The following ENDOV variants were observed in gnomAD, a reference collection of about 807,000 sequenced individuals.
The protein encoded by ENDOV is endonuclease V, also known as hEndoV.
In ENDOV, 37 loss-of-function variants were observed where a neutral mutation model predicts 39.4. The ratio of observed to expected loss-of-function variants is 0.94; its 90% confidence interval spans 0.72 to 1.23. ENDOV has a LOEUF of 1.23. ENDOV is among the 50% of genes most tolerant of loss of function. The pLI is 0.00. For missense variants in ENDOV, 441 were observed against 375.7 expected (o/e 1.17, Z -1.44); for synonymous variants, 186 against 163.4 (o/e 1.14, Z -1.05).
At chr17:80,429,580 A>G (rs1397066604) in intron 8 of ENDOV, among the ~76,000 whole-genome samples, 193 bp from the exon 9 acceptor site, 1 of 152,196 alleles carries the variant, frequency 6.6e-6, no homozygotes, top group Non-Finnish European at 1.5e-5. Context: ...AAGCTCTCCC[A>G]GAGTTGGAGG....
chr17:80,415,839 C>T lies in ENDOV; in HGVS notation c.228+18C>T, dbSNP rs755206618. 5.7e-6 allele frequency: 9 copies of T among 1,578,664 alleles called. No individual in the cohort carries two copies. The East Asian group carries it at 2.1e-4, about 37-fold the overall frequency. Reference sequence around the variant, plus strand: ...AGCTCGAGGTAACCTGGGAGGACGCCGAGCTCGAGGCGGGCCCCTCGGTGG... The same window carrying T: ...AGCTCGAGGTAACCTGGGAGGACGCTGAGCTCGAGGCGGGCCCCTCGGTGG... On this transcript the variant is annotated intron_variant, in intron 2 of 9. Coordinates refer to ENST00000518137, the MANE Select transcript of ENDOV (RefSeq NM_173627.5).
At chr17:80,417,361 C>T (rs1047943876) in intron 2 of ENDOV, 1 of 152,280 alleles carries the variant, frequency 6.6e-6, no homozygotes, top group African/African-American at 2.4e-5. Flanking sequence ...ATGACGTCCT[C>T]CACTAAGCTC....
At chr17:80,428,441 A>G (rs1396185814) in intron 7 of ENDOV, 155 bp from the exon 8 acceptor site, 1 of 703,884 alleles carries the variant, frequency 1.4e-6, no homozygotes, top group African/African-American at 1.8e-5. Flanking sequence ...ACACTCGCTG[A>G]CAGGGCCGCG....
chr17:80,429,087 C>T (rs895327402), intron 8 of ENDOV, among the ~76,000 whole-genome samples: 2 of 152,204 alleles, frequency 1.3e-5, no homozygotes, highest in Admixed American at 6.5e-5. Context: ...GCTTCCTCAT[C>T]GTCGGGATAG....
Position 80,422,288 on chromosome 17 carries a change from GA to G in ENDOV, c.403+44del, listed in dbSNP as rs760111976. On this transcript the variant is annotated intron_variant, in intron 4 of 9. Coordinates refer to ENST00000518137, the MANE Select transcript of ENDOV (RefSeq NM_173627.5). Reference sequence around the variant, plus strand: ...GGTCCAGGGAGGGCACTGTGGGGAAGAGCGGGGGGAGAGGGCACCTCTGTCG... The same window carrying G: ...GGTCCAGGGAGGGCACTGTGGGGAAGGCGGGGGGAGAGGGCACCTCTGTCG... The G allele has an allele frequency of 2.1e-4, 338 of 1,607,990 alleles. 3 individuals are homozygous for G. Among genetic ancestry groups the G allele is most frequent in the South Asian group, 6.3e-4 (57 of 90,534 alleles).
intron 6 of ENDOV, 97 bp from the exon 7 acceptor site, chr17:80,425,395 C>T: frequency 6.7e-7 from 1 of 1,494,956 alleles, no homozygotes; most frequent in Non-Finnish European, 8.9e-7. Context: ...CCCCCTTGCC[C>T]CCAGGACATT....
At chr17:80,424,949 C>A in intron 5 of ENDOV, 83 bp from the exon 6 acceptor site, 1 of 1,197,402 alleles carries the variant, frequency 8.4e-7, no homozygotes. Context: ...TGCGACACTC[C>A]GTCTCAAAAA....
intron 7 of ENDOV, chr17:80,427,665 C>T: frequency 2.4e-6 from 3 of 1,247,974 alleles, no homozygotes; most frequent in Non-Finnish European, 3.1e-6. Context: ...CACCTCTCAA[C>T]AGGTTCACCT....
intron 9 of ENDOV, among the ~76,000 whole-genome samples, chr17:80,430,762 C>T (rs1223170411): frequency 1.3e-5 from 2 of 152,176 alleles, no homozygotes; most frequent in East Asian, 3.9e-4. Context: ...GGGGTGGCAC[C>T]GTCCCCACAG....
At chr17:80,415,530 G>A (rs1045348049) in intron 1 of ENDOV, 120 bp from the exon 2 acceptor site, 14 of 1,318,322 alleles carry the variant, frequency 1.1e-5, no homozygotes, top group Non-Finnish European at 1.3e-5. Context: ...TATGTCCCTT[G>A]CTTTCCCTTG....
chr17:80,433,963 T>C (rs1348009759), intron 9 of ENDOV, among the ~76,000 whole-genome samples: 1 of 152,262 alleles, frequency 6.6e-6, no homozygotes, highest in South Asian at 2.1e-4. Flanking sequence ...TCATTGACTT[T>C]TGGTATATTC....
chr17:80,423,762 C>T, intron 5 of ENDOV, 130 bp downstream of exon 5: 1 of 874,810 alleles, frequency 1.1e-6, no homozygotes, highest in Non-Finnish European at 1.7e-6. Context: ...GGCTTGTGGC[C>T]TGGAGTAAGA....
At position 80,436,184 on chromosome 17, in the gene ENDOV, C is replaced by T. The variant is rs767587316; in HGVS notation, c.*41C>T. The T allele has an allele frequency of 1.6e-5, 26 of 1,589,204 alleles. No individual in the cohort carries two copies. In the South Asian group the frequency reaches 1.7e-4, roughly 10 times the overall value. On this transcript the variant is annotated 3_prime_UTR_variant, in exon 10 of 10. Transcript: ENST00000518137. ...CACACGTCCTCGTCTCATTCCTGAT[C>T]GAACGCGGTGGTGAGAGCACACGTC... is the stretch of plus-strand genomic sequence containing the variant.
At chr17:80,429,960 G>A (rs764981147) in intron 9 of ENDOV, 129 bp downstream of exon 9, 59 of 1,562,006 alleles carry the variant, frequency 3.8e-5, no homozygotes, top group Non-Finnish European at 4.7e-5. Flanking sequence ...GAAGGCCACC[G>A]GCCACCCCGT....
chr17:80,415,624 C>T (rs1404164442), intron 1 of ENDOV, 26 bp from the exon 2 acceptor site: 2 of 1,607,246 alleles, frequency 1.2e-6, no homozygotes, highest in African/African-American at 1.3e-5. Flanking sequence ...TGACCCCGAC[C>T]AAGTTTGACG....
rs374446721 is a variant in ENDOV, at chr17:80,415,183, C to G, written c.-12C>G. 3 of 1,612,600 alleles carry G rather than the reference C, an allele frequency of 1.9e-6. No individual in the cohort carries two copies. The highest frequency in any genetic ancestry group is 2.5e-6 in the Non-Finnish European group (3 of 1,179,486). ...GGAAGTGACGTGCGGAAGGGGTGCC[C>G]GGGACGAAGCCATGGCCCTGGAGGC... is the stretch of plus-strand genomic sequence containing the variant. On this transcript the variant is annotated 5_prime_UTR_variant, in exon 1 of 10. Coordinates refer to ENST00000518137, the MANE Select transcript of ENDOV (RefSeq NM_173627.5).
rs2144972762 is a variant in ENDOV at position 80,423,671 on chromosome 17, A to G, written c.516+39A>G. On this transcript the variant is annotated intron_variant, in intron 5 of 9. Transcript: ENST00000518137. The stretch of plus-strand genomic sequence containing the variant: ...TGCTGCAGGCCATGCCCGGCAGCTC[A>G]GTGGCGGGGCTGTGGTGGCCCTGGG... 2.0e-6 allele frequency: 3 copies of G among 1,534,732 alleles called. No homozygotes were observed. The South Asian group carries it at 3.6e-5, about 18-fold the overall frequency.
Position 80,430,200 on chromosome 17 carries a change from T to C in ENDOV, c.838+369T>C, listed in dbSNP as rs553744394. ...CGGTGCCTCAGAGGACAGATCTCTA[T>C]GGGGGCAAGTGCCAGATCCTGAGAG... On this transcript the variant is annotated intron_variant, in intron 9 of 9. Coordinates refer to ENST00000518137, the MANE Select transcript of ENDOV (RefSeq NM_173627.5). 4 of 1,473,752 alleles carry C rather than the reference T, an allele frequency of 2.7e-6. No individual in the cohort carries two copies. In the African/African-American group the frequency reaches 4.2e-5, roughly 16 times the overall value. 91.3% of individuals were successfully genotyped at this position (1,473,752 alleles called of 1,614,324 possible). A position where few individuals can be genotyped will look rare whatever the true frequency, so the allele number is the denominator to read the frequency against.
At chr17:80,432,495 G>T (rs373716271) in intron 9 of ENDOV, among the ~76,000 whole-genome samples, 4 of 152,060 alleles carry the variant, frequency 2.6e-5, no homozygotes, top group South Asian at 2.1e-4. Flanking sequence ...GGGCTCTCCC[G>T]GCAGTAACAC....
Sources: allele counts gnomAD v4.1 joint callset (sites outside exome capture counted in the v4.1 genomes callset), GRCh38; gene constraint gnomAD v4.1.1; transcripts MANE v1.5; gene names NCBI Gene and HGNC (gene_info 2026-07-23, HGNC 2026-07-21).